Variants in ZNF2 observed in about 807,000 individuals in gnomAD.
ZNF2 encodes zinc finger protein 2.2.
In ZNF2, 12 loss-of-function variants were observed where a neutral mutation model predicts 21.9. That is an observed-to-expected ratio of 0.55 (90% confidence interval 0.35 to 0.89). The LOEUF (loss-of-function observed/expected upper bound fraction) is 0.89. ZNF2 is among the 40% of genes least tolerant of loss of function. The pLI is 0.01. For synonymous variants in ZNF2, 186 were observed against 196.3 expected, an observed-to-expected ratio of 0.95 and a Z score of 0.44; for missense variants, 462 against 544.2, an observed-to-expected ratio of 0.85 and a Z score of 1.50.
rs1480068528 is a variant in ZNF2, at chr2:95,182,561, C to T, written c.*455C>T. On this transcript the variant is annotated 3_prime_UTR_variant, in exon 5 of 5. Coordinates refer to ENST00000614034, the MANE Select transcript of ZNF2 (RefSeq NM_021088.4). Reference sequence around the variant, plus strand: ...GTTCTCTTGTGTCCCAGCTTTTAGACCTCTTACTTCCACTGCTAGTAGCTA... The same window carrying T: ...GTTCTCTTGTGTCCCAGCTTTTAGATCTCTTACTTCCACTGCTAGTAGCTA... The T allele has an allele frequency of 6.3e-6, 1 of 158,804 alleles. No individual in the cohort carries two copies. Among genetic ancestry groups the T allele is most frequent in the Non-Finnish European group, 1.4e-5 (1 of 71,816 alleles). The allele number at this position is 158,804 out of a possible 1,614,324, so 9.8% of individuals were successfully genotyped here.
chr2:95,172,244 G>A (rs1674299723), intron 1 of ZNF2, among the ~76,000 whole-genome samples: 1 of 152,088 alleles, frequency 6.6e-6, no homozygotes. Flanking sequence ...CACCATAAAC[G>A]ACATTGTTTG....
At chr2:95,181,014 A>C (rs1674619263) in intron 4 of ZNF2, 89 bp from the exon 5 acceptor site, 2 of 1,465,728 alleles carry the variant, frequency 1.4e-6, no homozygotes, top group Non-Finnish European at 9.3e-7. Flanking sequence ...GTGACCATAC[A>C]TTACTTTCAG....
chr2:95,168,364 G>T (rs1283713613), intron 1 of ZNF2, among the ~76,000 whole-genome samples: 1 of 151,480 alleles, frequency 6.6e-6, no homozygotes, highest in African/African-American at 2.4e-5. Context: ...GGCAGAGGTT[G>T]CAGTGAGCCA....
chr2:95,169,895 G>A (rs1359493848), intron 1 of ZNF2, among the ~76,000 whole-genome samples: 1 of 152,124 alleles, frequency 6.6e-6, no homozygotes. Flanking sequence ...TGTTACATGT[G>A]TTACCCTATT....
intron 1 of ZNF2, 141 bp from the exon 2 acceptor site, chr2:95,176,046 GC>G: frequency 1.3e-6 from 1 of 773,820 alleles, no homozygotes. Flanking sequence ...ATTGTTCCTG[GC>G]TTTGCTTTAC....
At chr2:95,175,944 T>C (rs1182343308) in intron 1 of ZNF2, among the ~76,000 whole-genome samples, 2 of 152,254 alleles carry the variant, frequency 1.3e-5, no homozygotes, top group Admixed American at 1.3e-4. Flanking sequence ...GGAACAGAAC[T>C]CTGCCTCTAG....
chr2:95,167,634 C>T (rs1477238012), intron 1 of ZNF2, among the ~76,000 whole-genome samples: 3 of 150,552 alleles, frequency 2.0e-5, no homozygotes, highest in Non-Finnish European at 4.4e-5. Flanking sequence ...GATCACTTGA[C>T]GTCAGGAGTT....
chr2:95,181,515 C>T lies in ZNF2; in HGVS notation c.687C>T (p.Tyr229=), dbSNP rs1252137813. The T allele has an allele frequency of 1.9e-5, 30 of 1,614,076 alleles. No individual in the cohort carries two copies. The highest frequency in any genetic ancestry group is 4.5e-5 in the East Asian group (2 of 44,884). The change falls in exon 5 of 5, where the codon TAC becomes TAT. Residue 229 remains tyrosine, a synonymous_variant. Transcript: ENST00000614034. ...TGTCACACACTGGGGAGAGCCCCTA[C>T]GAGTGCAGTGTGTGCTCAAAAGCCT... ...HLMSHTGESP[Y]ECSVCSKAFF...
At position 95,182,732 on chromosome 2, in the gene ZNF2, A is replaced by T. The variant is rs1002435775; in HGVS notation, c.*626A>T. 9 of 152,658 alleles carry T rather than the reference A, an allele frequency of 5.9e-5. No homozygotes were observed. Among genetic ancestry groups the T allele is most frequent in the African/African-American group, 2.2e-4 (9 of 41,450 alleles). The allele number at this position is 152,658 out of a possible 1,614,324, so 9.5% of individuals were successfully genotyped here. ...GAGCACCCTGAGGTTTAGAGAGATT[A>T]AATCACTTGCCCAAGGTGAACCAGC... On this transcript the variant is annotated 3_prime_UTR_variant, in exon 5 of 5. Coordinates refer to ENST00000614034, the MANE Select transcript of ZNF2 (RefSeq NM_021088.4).
At position 95,181,147 on chromosome 2, in the gene ZNF2, T is replaced by C. The variant is rs1674625729; in HGVS notation, c.319T>C (p.Ser107Pro). Residue 107 changes from serine to proline, a missense_variant, in exon 5 of 5, where the codon TCA (serine) becomes CCA (proline). By Grantham distance (74) the Ser-to-Pro change is moderately conservative. Transcript: ENST00000614034. Reference protein sequence around the residue: ...PEIHDASDKKSEGSLRECLGR... With the variant: ...PEIHDASDKKPEGSLRECLGR... ...GATTCACGATGCTTCAGACAAAAAA[T>C]CAGAAGGATCATTGAGGGAATGCCT... The C allele has an allele frequency of 1.9e-6, 3 of 1,613,992 alleles. No individual in the cohort carries two copies. Among genetic ancestry groups the C allele is most frequent in the Non-Finnish European group, 2.5e-6 (3 of 1,180,014 alleles).
chr2:95,175,520 C>T (rs577873952), intron 1 of ZNF2, among the ~76,000 whole-genome samples: 3 of 152,276 alleles, frequency 2.0e-5, no homozygotes, highest in African/African-American at 7.2e-5. Context: ...TTTGGTTCCC[C>T]GATCCTTGTG....
chr2:95,167,635 G>T (rs558596279), intron 1 of ZNF2, among the ~76,000 whole-genome samples: 1 of 151,458 alleles, frequency 6.6e-6, no homozygotes, highest in Non-Finnish European at 1.5e-5. Flanking sequence ...ATCACTTGAC[G>T]TCAGGAGTTC....
intron 4 of ZNF2, 89 bp downstream of exon 4, chr2:95,180,361 T>C (rs1179980248): frequency 2.3e-6 from 2 of 853,234 alleles, no homozygotes; most frequent in South Asian, 1.6e-5. Context: ...CATCTTTCTC[T>C]CAAATTCAAG....
At position 95,181,492 on chromosome 2, in the gene ZNF2, T is replaced by A; in HGVS notation, c.664T>A (p.Ser222Thr). The A allele has an allele frequency of 6.2e-7, 1 of 1,613,930 alleles. No individual in the cohort carries two copies. Among genetic ancestry groups the A allele is most frequent in the South Asian group, 1.1e-5 (1 of 91,068 alleles). The change falls in exon 5 of 5, where the codon TCA becomes ACA. Residue 222 changes from serine (S) to threonine (T), a missense_variant. Coordinates refer to ENST00000614034, the MANE Select transcript of ZNF2 (RefSeq NM_021088.4). Reference protein sequence around the residue: ...HRSSLSRHLMSHTGESPYECS... With the variant: ...HRSSLSRHLMTHTGESPYECS... ...GAGCAGCCTCAGCAGACATCTGATG[T>A]CACACACTGGGGAGAGCCCCTACGA...
chr2:95,181,986 G>T lies in ZNF2; in HGVS notation c.1158G>T (p.Arg386=). ...KAFSQRCRLT[R]HQRVHTGEKP... ...TTAGCCAGCGGTGCCGGCTCACGCG[G>T]CATCAGCGTGTCCACACGGGAGAGA... The change falls in exon 5 of 5, where the codon CGG becomes CGT. Residue 386 remains arginine, a synonymous_variant. Transcript: ENST00000614034. The T allele has an allele frequency of 6.2e-7, 1 of 1,614,296 alleles. No individual in the cohort carries two copies. The highest frequency in any genetic ancestry group is 8.5e-7 in the Non-Finnish European group (1 of 1,180,056).
At position 95,181,776 on chromosome 2, in the gene ZNF2, C is replaced by T. The variant is rs1314551768; in HGVS notation, c.948C>T (p.Asn316=). The T allele has an allele frequency of 5.6e-6, 9 of 1,614,160 alleles. No homozygotes were observed. The highest frequency in any genetic ancestry group is 2.2e-5 in the South Asian group (2 of 91,086). The change falls in exon 5 of 5, where the codon AAC becomes AAT. Residue 316 remains asparagine (N), a synonymous_variant. Transcript: ENST00000614034. The part of the protein sequence containing the change: ...IHTGRKPYEC[N]ECGKAFYGVS... ...CTGGCAGGAAGCCTTATGAGTGTAA[C>T]GAGTGCGGGAAAGCTTTCTATGGTG...
At chr2:95,172,296 G>A (rs1433071105) in intron 1 of ZNF2, among the ~76,000 whole-genome samples, 2 of 152,128 alleles carry the variant, frequency 1.3e-5, no homozygotes, top group Admixed American at 6.5e-5. Flanking sequence ...TATCTCTTAG[G>A]GAACTGGGGA....
At position 95,181,828 on chromosome 2, in the gene ZNF2, G is replaced by A. The variant is rs772094048; in HGVS notation, c.1000G>A (p.Ala334Thr). Residue 334 changes from alanine (A) to threonine (T), a missense_variant, in exon 5 of 5, where the codon GCT (alanine) becomes ACT (threonine). Coordinates refer to ENST00000614034, the MANE Select transcript of ZNF2 (RefSeq NM_021088.4). ...GVSSLNRHQK[A>T]HAGDPRYQCN... ...CTCGTCTCTGAATAGACATCAGAAA[G>A]CTCATGCTGGGGACCCTCGCTATCA... 4 of 1,614,178 alleles carry A rather than the reference G, an allele frequency of 2.5e-6. No homozygotes were observed. The South Asian group carries it at 3.3e-5, about 13-fold the overall frequency.
intron 1 of ZNF2, among the ~76,000 whole-genome samples, chr2:95,168,581 A>G (rs1674166122): frequency 6.6e-6 from 1 of 152,262 alleles, no homozygotes; most frequent in Admixed American, 6.5e-5. Flanking sequence ...GCCCTAGCAC[A>G]TAACAGCTAC....
Sources: gnomAD v4.1 joint callset for allele counts (sites outside exome capture counted in the v4.1 genomes callset) on GRCh38, gnomAD v4.1.1 for gene constraint, MANE v1.5 for transcripts, NCBI Gene and HGNC (gene_info 2026-07-23, HGNC 2026-07-21) for gene names.